Variants in NELL1 observed in about 807,000 individuals in gnomAD.
NELL1 encodes protein kinase C-binding protein NELL1.
NELL1 carries 76 observed loss-of-function variants against 107.4 expected under a neutral mutation model. That is an observed-to-expected ratio of 0.71 (90% confidence interval 0.59 to 0.86). The LOEUF is 0.86. Ranked by LOEUF, NELL1 falls within the 40% of genes least tolerant of loss-of-function variation. The probability of loss-of-function intolerance (pLI) is 0.00; values close to 1 mark genes in which losing one functional copy is unlikely to be tolerated. For missense variants in NELL1, 1,024 were observed against 1,005.5 expected, an observed-to-expected ratio of 1.02 and a Z score of -0.25; for synonymous variants, 353 against 341.2, an observed-to-expected ratio of 1.03 and a Z score of -0.38.
intron 13 of NELL1, among the ~76,000 whole-genome samples, chr11:21,196,899 TCTCA>T (rs1857166510): frequency 6.8e-6 from 1 of 147,772 alleles, no homozygotes; most frequent in South Asian, 2.2e-4. Flanking sequence ...TTTTTTTTTT[TCTCA>T]CTCTGTTGCC....
intron 15 of NELL1, among the ~76,000 whole-genome samples, chr11:21,388,980 G>A (rs760595948): frequency 2.0e-5 from 3 of 151,660 alleles, no homozygotes; most frequent in Non-Finnish European, 4.4e-5. Context: ...TTTAAGTCAA[G>A]TAAGTACATT....
rs187885654 is a variant in NELL1 at position 20,922,682 on chromosome 11, A to G, written c.759+3348A>G. ...GAGTTGTCCAGCAGTTCCGATTAAG[A>G]TGGGTAGACAGTCATATAGGTCATA... On this transcript the variant is annotated intron_variant, in intron 7 of 19. Transcript: ENST00000357134. Among the ~76,000 whole-genome samples, 38 of 152,220 alleles carry G rather than the reference A, an allele frequency of 2.5e-4. No individual in the cohort carries two copies. The East Asian group carries it at 7.2e-3, about 29-fold the overall frequency.
At chr11:20,981,953 TCTTTCTC>T (rs1175767653) in intron 12 of NELL1, among the ~76,000 whole-genome samples, 11 of 141,358 alleles carry the variant, frequency 7.8e-5, no homozygotes, top group African/African-American at 3.0e-4. Flanking sequence ...GGGCTCTCTC[TCTTTCTC>T]TCTCTCTCTC....
At chr11:20,944,481 C>A (rs745666700) in intron 10 of NELL1, among the ~76,000 whole-genome samples, 10 of 152,080 alleles carry the variant, frequency 6.6e-5, no homozygotes, top group Non-Finnish European at 1.0e-4. Context: ...CAGGTTAGTG[C>A]ACAATGGTTA....
At chr11:20,773,938 T>C (rs1050517414) in intron 2 of NELL1, among the ~76,000 whole-genome samples, 3 of 152,104 alleles carry the variant, frequency 2.0e-5, no homozygotes, top group African/African-American at 7.2e-5. Flanking sequence ...TTCAGACCTA[T>C]GATGACATGA....
At chr11:21,242,323 C>G (rs561523930) in intron 14 of NELL1, among the ~76,000 whole-genome samples, 3 of 152,164 alleles carry the variant, frequency 2.0e-5, no homozygotes, top group Non-Finnish European at 2.9e-5. Flanking sequence ...CCTTACCACT[C>G]CGTCAGAAGA....
At chr11:20,740,652 T>G (rs963326044) in intron 2 of NELL1, among the ~76,000 whole-genome samples, 16 of 152,208 alleles carry the variant, frequency 1.1e-4, no homozygotes, top group African/African-American at 3.9e-4. Context: ...CTTAAATAAC[T>G]TTTCTTAATG....
chr11:20,988,421 A>G (rs1053635662), intron 12 of NELL1, among the ~76,000 whole-genome samples: 3 of 126,138 alleles, frequency 2.4e-5, no homozygotes, highest in South Asian at 2.4e-4. Flanking sequence ...ACACATGTAC[A>G]TATGTGTGTA....
chr11:21,488,135 A>G (rs1250094839), intron 15 of NELL1, among the ~76,000 whole-genome samples: 3 of 152,180 alleles, frequency 2.0e-5, no homozygotes, highest in Admixed American at 6.5e-5. Context: ...AAAATTGACA[A>G]TGAAATCATG....
intron 12 of NELL1, among the ~76,000 whole-genome samples, chr11:21,062,859 A>C (rs1853774957): frequency 6.6e-6 from 1 of 151,706 alleles, no homozygotes; most frequent in South Asian, 2.1e-4. Context: ...ACAGAGTCTC[A>C]CTCTGTCGCC....
intron 15 of NELL1, among the ~76,000 whole-genome samples, chr11:21,455,802 T>C (rs1853713072): frequency 6.6e-6 from 1 of 152,198 alleles, no homozygotes; most frequent in Admixed American, 6.5e-5. Flanking sequence ...ATTTAGCTAT[T>C]GTTTCTTCAA....
At chr11:20,674,565 T>G (rs907727222) in intron 1 of NELL1, 2 of 1,523,380 alleles carry the variant, frequency 1.3e-6, no homozygotes, top group African/African-American at 2.7e-5. Flanking sequence ...AGCAATCCCT[T>G]CAGGGAGGCA....
intron 12 of NELL1, among the ~76,000 whole-genome samples, chr11:21,070,677 G>A (rs980935838): frequency 2.0e-5 from 3 of 152,048 alleles, no homozygotes; most frequent in Admixed American, 1.3e-4. Flanking sequence ...TGTGTGAGCC[G>A]AGCATATACC....
intron 14 of NELL1, among the ~76,000 whole-genome samples, chr11:21,351,419 A>C (rs865843041): frequency 2.6e-5 from 4 of 152,232 alleles, no homozygotes; most frequent in Middle Eastern, 3.4e-3. Flanking sequence ...GGAACATTTC[A>C]GCTGAGATTT....
At chr11:21,489,388 A>G (rs1854735282) in intron 15 of NELL1, among the ~76,000 whole-genome samples, 1 of 130,358 alleles carries the variant, frequency 7.7e-6, no homozygotes, top group Non-Finnish European at 1.6e-5. Context: ...TTCAAAAAAA[A>G]AAAAAAAAAA....
chr11:21,461,882 G>A (rs970477879), intron 15 of NELL1, among the ~76,000 whole-genome samples: 1 of 152,062 alleles, frequency 6.6e-6, no homozygotes, highest in African/African-American at 2.4e-5. Flanking sequence ...CTACAAAACA[G>A]CCCCCATGGA....
intron 14 of NELL1, among the ~76,000 whole-genome samples, chr11:21,264,871 T>A (rs1191220221): frequency 2.6e-5 from 4 of 151,860 alleles, no homozygotes; most frequent in Non-Finnish European, 5.9e-5. Flanking sequence ...TTATCCTATT[T>A]AAAAAGAAAG....
At chr11:20,996,464 A>G (rs554251600) in intron 12 of NELL1, among the ~76,000 whole-genome samples, 2 of 152,268 alleles carry the variant, frequency 1.3e-5, no homozygotes, top group East Asian at 3.9e-4. Context: ...CACTGGGGCT[A>G]CTGATTCTCC....
In NELL1 at chr11:21,228,068, T is replaced by G. The variant is rs747904518; in HGVS notation, c.1427-1264T>G. Reference sequence around the variant, plus strand: ...ATTTCCTTGAGGTTTCTAACTGGAATTTCTATTCTTGTTTTATAACTATTT... The same window carrying G: ...ATTTCCTTGAGGTTTCTAACTGGAAGTTCTATTCTTGTTTTATAACTATTT... On this transcript the variant is annotated intron_variant, in intron 13 of 19. Transcript: ENST00000357134. 5.9e-5 allele frequency among the ~76,000 whole-genome samples: 9 copies of G among 152,368 alleles called. 1 individual carries two copies. The highest frequency in any genetic ancestry group is 3.4e-3 in the Middle Eastern group (1 of 294).
Sources: gnomAD v4.1 joint callset for allele counts (sites outside exome capture counted in the v4.1 genomes callset) on GRCh38, gnomAD v4.1.1 for gene constraint, MANE v1.5 for transcripts, NCBI Gene and HGNC (gene_info 2026-07-23, HGNC 2026-07-21) for gene names.